TOX: variants seen among roughly 807,000 people sequenced by gnomAD.
TOX encodes the protein thymocyte selection associated high mobility group box, also known as thymocyte selection-associated high mobility group box protein TOX.
In TOX, 11 loss-of-function variants were observed where a neutral mutation model predicts 53.7. The ratio of observed to expected loss-of-function variants is 0.20; its 90% CI spans 0.13 to 0.34. The LOEUF (loss-of-function observed/expected upper bound fraction) is 0.34, where lower values mean the gene tolerates loss of function less well. Among genes scored for constraint, TOX ranks in the 10% least tolerant of loss-of-function variants. The pLI is 1.00. For synonymous variants in TOX, 225 were observed against 245.3 expected, an observed-to-expected ratio of 0.92 and a Z score of 0.77; for missense variants, 570 against 664.6, an observed-to-expected ratio of 0.86 and a Z score of 1.56.
intron 3 of TOX, among the ~76,000 whole-genome samples, chr8:58,882,728 T>G (rs1435136206): frequency 1.3e-5 from 2 of 152,200 alleles, no homozygotes; most frequent in Non-Finnish European, 2.9e-5. Flanking sequence ...TGCAAAGAAG[T>G]CAACTACCAT....
At chr8:58,968,806 T>G (rs946506668) in intron 1 of TOX, among the ~76,000 whole-genome samples, 3 of 151,948 alleles carry the variant, frequency 2.0e-5, no homozygotes, top group Admixed American at 6.6e-5. Flanking sequence ...AAACAAAAAA[T>G]AAGACTAGTA....
At position 58,982,598 on chromosome 8, in the gene TOX, A is replaced by C. The variant is rs116655503; in HGVS notation, c.103-22590T>G. On this transcript the variant is annotated intron_variant, in intron 1 of 8. Transcript: ENST00000361421. ...ATCCTTCTCTATTCTTTGCATCCCA[A>C]GTCCTGCACATTACAGATCTCAAAC... Among the ~76,000 whole-genome samples the C allele has an allele frequency of 2.2e-3, 334 of 152,280 alleles. 1 individual carries two copies. Among genetic ancestry groups the C allele is most frequent in the African/African-American group, 7.4e-3 (309 of 41,550 alleles).
intron 3 of TOX, among the ~76,000 whole-genome samples, chr8:58,926,839 G>T (rs17232126): frequency 6.6e-6 from 1 of 151,992 alleles, no homozygotes; most frequent in Non-Finnish European, 1.5e-5. Flanking sequence ...TACCTGAGGC[G>T]CTAACGCTGT....
In TOX at chr8:58,850,737, A is replaced by T. The variant is rs374528141; in HGVS notation, c.693+787T>A. 1.1e-4 allele frequency among the ~76,000 whole-genome samples: 16 copies of T among 152,352 alleles called. No individual in the cohort carries two copies. In the East Asian group the frequency reaches 1.5e-3, roughly 15 times the overall value. On this transcript the variant is annotated intron_variant, in intron 4 of 8. Transcript: ENST00000361421. ...AAAATATAGTCAATGCAGCAATCTTATCTTTGTCATCAGGCTAAATAAATC... is the reference window on the plus strand; with the variant it reads ...AAAATATAGTCAATGCAGCAATCTTTTCTTTGTCATCAGGCTAAATAAATC...
intron 3 of TOX, among the ~76,000 whole-genome samples, chr8:58,871,838 T>C (rs78816863): frequency 0.021 from 3,220 of 152,224 alleles, 131 homozygotes; most frequent in African/African-American, 0.073. Flanking sequence ...TGTTTACATA[T>C]GGAAATATTT....
chr8:59,074,780 C>T (rs1385978494), intron 1 of TOX, among the ~76,000 whole-genome samples: 1 of 152,060 alleles, frequency 6.6e-6, no homozygotes, highest in Non-Finnish European at 1.5e-5. Context: ...GCGACAGCAG[C>T]GTGGAAAAGA....
At chr8:58,844,853 C>G (rs1212965872) in intron 4 of TOX, among the ~76,000 whole-genome samples, 1 of 152,056 alleles carries the variant, frequency 6.6e-6, no homozygotes, top group African/African-American at 2.4e-5. Flanking sequence ...TACACAGATA[C>G]ACGTGCTTCA....
chr8:58,954,783 A>G (rs534217770), intron 2 of TOX, among the ~76,000 whole-genome samples: 8 of 152,246 alleles, frequency 5.3e-5, no homozygotes, highest in Non-Finnish European at 1.2e-4. Context: ...AGTAGAATCA[A>G]CACTATTTGG....
intron 1 of TOX, among the ~76,000 whole-genome samples, chr8:59,091,319 T>A (rs1804602849): frequency 6.6e-6 from 1 of 152,166 alleles, no homozygotes; most frequent in Non-Finnish European, 1.5e-5. Context: ...ACTGTTGAGA[T>A]GACACTCCCC....
intron 1 of TOX, among the ~76,000 whole-genome samples, chr8:59,062,939 T>G (rs1273346963): frequency 6.6e-6 from 1 of 152,208 alleles, no homozygotes; most frequent in Non-Finnish European, 1.5e-5. Context: ...ATTTAATACC[T>G]TTAACAAGGA....
chr8:58,982,447 C>T (rs1487642619), intron 1 of TOX, among the ~76,000 whole-genome samples: 1 of 152,182 alleles, frequency 6.6e-6, no homozygotes, highest in African/African-American at 2.4e-5. Flanking sequence ...AGACGCCTAT[C>T]AGAATCTCAA....
rs565588288 is a variant in TOX at position 58,841,780 on chromosome 8, T to A, written c.694-3469A>T. Among the ~76,000 whole-genome samples the A allele has an allele frequency of 2.6e-5, 4 of 152,340 alleles. No individual in the cohort carries two copies. The South Asian group carries it at 8.3e-4, about 32-fold the overall frequency. On this transcript the variant is annotated intron_variant, in intron 4 of 8. Transcript: ENST00000361421. ...CATTGTACACTTTAAATACATACAA[T>A]TTTATTTGTCAATTATACCTCAATA...
At chr8:58,975,099 AC>A (rs1813067406) in intron 1 of TOX, among the ~76,000 whole-genome samples, 1 of 152,018 alleles carries the variant, frequency 6.6e-6, no homozygotes, top group Non-Finnish European at 1.5e-5. Context: ...TTGTACATAT[AC>A]ACACATTATA....
rs201487566 is a variant in TOX at position 58,808,157 on chromosome 8, G to C, written c.1505C>G (p.Pro502Arg). ...GTCGTTATTCCAGTCCACCGGTTGT[G>C]GGGGAGGATTTCTGCACCCCGAACG... ...YVRSGCRNPP[P>R]QPVDWNNDYC... is the part of the protein sequence containing the mutation. Residue 502 changes from proline (P) to arginine (R), a missense_variant, in exon 8 of 9, where the codon CCA becomes CGA. Physicochemically the swap from Pro to Arg is moderately radical, Grantham distance 103. Coordinates refer to ENST00000361421, the MANE Select transcript of TOX (RefSeq NM_014729.3). 75 of 1,614,036 alleles carry C rather than the reference G, an allele frequency of 4.6e-5. No individual in the cohort carries two copies. The highest frequency in any genetic ancestry group is 5.5e-5 in the Non-Finnish European group (65 of 1,179,948).
chr8:58,943,825 C>T (rs1285223756), intron 2 of TOX, among the ~76,000 whole-genome samples: 2 of 152,106 alleles, frequency 1.3e-5, no homozygotes, highest in African/African-American at 2.4e-5. Context: ...ATGAACCATG[C>T]GAGCTCCCTC....
chr8:59,054,466 C>T (rs1346586135), intron 1 of TOX, among the ~76,000 whole-genome samples: 1 of 152,096 alleles, frequency 6.6e-6, no homozygotes, highest in Non-Finnish European at 1.5e-5. Context: ...GAAATGGCTT[C>T]TATGATTTGT....
chr8:58,823,109 G>A (rs76759544), intron 6 of TOX, among the ~76,000 whole-genome samples: 5,503 of 152,282 alleles, frequency 0.036, 309 homozygotes, highest in East Asian at 0.24. Context: ...TTACAAAAGC[G>A]AGAATATTTG....
chr8:58,832,356 C>T (rs1044885015), intron 5 of TOX, among the ~76,000 whole-genome samples: 2 of 151,786 alleles, frequency 1.3e-5, no homozygotes, highest in African/African-American at 4.8e-5. Flanking sequence ...TTTTACATAT[C>T]CTTCACTCCT....
intron 3 of TOX, among the ~76,000 whole-genome samples, chr8:58,897,854 A>G (rs1289279072): frequency 6.6e-6 from 1 of 152,106 alleles, no homozygotes; most frequent in African/African-American, 2.4e-5. Context: ...TTGGCAATCC[A>G]TCAAAAGATT....
Sources: allele counts gnomAD v4.1 joint callset (sites outside exome capture counted in the v4.1 genomes callset), GRCh38; gene constraint gnomAD v4.1.1; transcripts MANE v1.5; gene names NCBI Gene and HGNC (gene_info 2026-07-23, HGNC 2026-07-21).